ADCY9: variants seen among roughly 807,000 people sequenced by gnomAD.
The protein encoded by ADCY9 is adenylate cyclase 9.
A neutral mutation model predicts 101.5 loss-of-function variants in ADCY9; 50 were observed. That is an observed-to-expected ratio of 0.49 (90% CI 0.39 to 0.62). ADCY9 has a LOEUF of 0.62. Among genes scored for constraint, ADCY9 ranks in the 20% least tolerant of loss-of-function variants. ADCY9 has a pLI of 0.00. For synonymous variants in ADCY9, 905 were observed against 769.3 expected (o/e 1.18, Z -2.92); for missense variants, 1,662 against 1,800.4 (o/e 0.92, Z 1.39).
chr16:4,064,215 A>C (rs2056788004), intron 2 of ADCY9, among the ~76,000 whole-genome samples: 1 of 152,260 alleles, frequency 6.6e-6, no homozygotes, highest in African/African-American at 2.4e-5. Context: ...TTAAAATTAC[A>C]AAACTTTGTT....
chr16:4,079,641 G>A (rs990432022), intron 2 of ADCY9, among the ~76,000 whole-genome samples: 41 of 152,164 alleles, frequency 2.7e-4, no homozygotes, highest in Non-Finnish European at 5.6e-4. Flanking sequence ...CATGATCCAT[G>A]AATGGTGTTT....
At chr16:3,969,569 A>AATACATAT (rs1451993942) in intron 10 of ADCY9, among the ~76,000 whole-genome samples, 16 of 45,228 alleles carry the variant, frequency 3.5e-4, no homozygotes, top group East Asian at 1.3e-3. Flanking sequence ...GTTTGTTTGA[A>AATACATAT]ATATATATAT....
intron 2 of ADCY9, among the ~76,000 whole-genome samples, chr16:4,110,257 C>T (rs561882647): frequency 9.9e-5 from 15 of 152,168 alleles, no homozygotes; most frequent in Non-Finnish European, 2.1e-4. Flanking sequence ...GGAAAGAAAA[C>T]ACCTTTATTG....
intron 2 of ADCY9, among the ~76,000 whole-genome samples, chr16:4,057,759 G>A (rs1400403596): frequency 1.3e-5 from 2 of 152,116 alleles, no homozygotes; most frequent in East Asian, 1.9e-4. Flanking sequence ...GAGCATTTAC[G>A]GCGTGTTCTC....
chr16:4,105,691 A>G (rs2057072464), intron 2 of ADCY9, among the ~76,000 whole-genome samples: 1 of 151,788 alleles, frequency 6.6e-6, no homozygotes, highest in Non-Finnish European at 1.5e-5. Flanking sequence ...AAAAAAAAAA[A>G]AAAAAAATTA....
intron 2 of ADCY9, among the ~76,000 whole-genome samples, chr16:4,020,077 AAAAAAAG>A (rs1180944952): frequency 2.3e-3 from 39 of 16,706 alleles, no homozygotes; most frequent in Middle Eastern, 0.033. Context: ...ACTCCATCTC[AAAAAAAG>A]AAAAAGAAAA....
At chr16:4,100,796 G>T (rs117387987) in intron 2 of ADCY9, among the ~76,000 whole-genome samples, 2,160 of 150,330 alleles carry the variant, frequency 0.014, 33 homozygotes, top group Non-Finnish European at 0.024. Context: ...AAATGGTATA[G>T]AAAGGGAAAG....
chr16:3,960,991 C>G (rs114681035), downstream of ADCY9, among the ~76,000 whole-genome samples: 2,366 of 129,996 alleles, frequency 0.018, 51 homozygotes, highest in African/African-American at 0.059. Flanking sequence ...TGGCCACAGC[C>G]ATAGATTCCC....
intron 10 of ADCY9, among the ~76,000 whole-genome samples, chr16:3,968,326 T>A (rs58403509): frequency 0.017 from 2,614 of 151,938 alleles, 78 homozygotes; most frequent in African/African-American, 0.06. Flanking sequence ...GAGACGGGGT[T>A]TCTCCATGTT....
At chr16:4,010,222 C>T (rs1191198275) in intron 2 of ADCY9, among the ~76,000 whole-genome samples, 1 of 152,184 alleles carries the variant, frequency 6.6e-6, no homozygotes, top group Non-Finnish European at 1.5e-5. Flanking sequence ...GGGGCCCTCA[C>T]CCAGGTGACT....
intron 2 of ADCY9, among the ~76,000 whole-genome samples, chr16:4,042,072 C>T (rs1411984629): frequency 6.6e-6 from 1 of 151,916 alleles, no homozygotes; most frequent in Non-Finnish European, 1.5e-5. Context: ...TACAGGCGTC[C>T]GCCACCACTC....
intron 2 of ADCY9, among the ~76,000 whole-genome samples, chr16:4,090,086 A>C (rs890619647): frequency 2.0e-5 from 3 of 152,032 alleles, no homozygotes; most frequent in Non-Finnish European, 4.4e-5. Context: ...AGCTCCCCCA[A>C]CAAGGGCACT....
At chr16:3,955,593 G>C (rs1018694716) in intron 5 of ADCY9, among the ~76,000 whole-genome samples, 2 of 152,120 alleles carry the variant, frequency 1.3e-5, no homozygotes, top group African/African-American at 4.8e-5. Flanking sequence ...GCCCAGGCTG[G>C]AGTGCAGTGG....
At chr16:3,961,086 A>G (rs2055935170), downstream of ADCY9, among the ~76,000 whole-genome samples, 1 of 152,170 alleles carries the variant, frequency 6.6e-6, no homozygotes, top group Non-Finnish European at 1.5e-5. Flanking sequence ...GATTGCAAAA[A>G]TTAGAGGCTG....
At chr16:4,011,718 T>C (rs1351058212) in intron 2 of ADCY9, among the ~76,000 whole-genome samples, 2 of 152,154 alleles carry the variant, frequency 1.3e-5, no homozygotes, top group Non-Finnish European at 2.9e-5. Flanking sequence ...GCTAGTGAGC[T>C]GCTTCATCGC....
At chr16:4,106,556 G>A (rs2057078642) in intron 2 of ADCY9, among the ~76,000 whole-genome samples, 1 of 152,208 alleles carries the variant, frequency 6.6e-6, no homozygotes, top group South Asian at 2.1e-4. Context: ...GATATGCCCA[G>A]GGCCAGATGG....
chr16:4,037,562 T>A, intron 2 of ADCY9, among the ~76,000 whole-genome samples: 1 of 152,274 alleles, frequency 6.6e-6, no homozygotes, highest in Non-Finnish European at 1.5e-5. Flanking sequence ...TTTCTTTTCC[T>A]CTGGGTAGAT....
At chr16:4,021,234 C>T (rs2056474269) in intron 2 of ADCY9, among the ~76,000 whole-genome samples, 1 of 152,206 alleles carries the variant, frequency 6.6e-6, no homozygotes, top group Non-Finnish European at 1.5e-5. Context: ...TCTCCAACCG[C>T]ATTGGGCTTG....
intron 10 of ADCY9, among the ~76,000 whole-genome samples, chr16:3,970,858 C>G (rs923257165): frequency 6.6e-6 from 1 of 152,154 alleles, no homozygotes; most frequent in Non-Finnish European, 1.5e-5. Context: ...TCAGTTTCCT[C>G]GCTTGTAAGC....
Sources: gnomAD v4.1 joint callset for allele counts (sites outside exome capture counted in the v4.1 genomes callset) on GRCh38, gnomAD v4.1.1 for gene constraint, MANE v1.5 for transcripts, NCBI Gene and HGNC (gene_info 2026-07-23, HGNC 2026-07-21) for gene names.